MAP2: variants seen among roughly 807,000 people sequenced by gnomAD.
MAP2 encodes microtubule-associated protein 2.
In MAP2, 14 loss-of-function variants were observed where a neutral mutation model predicts 137.6. The observed-to-expected ratio is 0.10, with a 90% CI of 0.07 to 0.16. MAP2 has a LOEUF of 0.16. MAP2 is among the 10% of genes least tolerant of loss of function. The pLI is 1.00. For synonymous variants in MAP2, 786 were observed against 782.3 expected, an observed-to-expected ratio of 1.00 and a Z score of -0.08; for missense variants, 2,088 against 2,191.5, an observed-to-expected ratio of 0.95 and a Z score of 0.94.
chr2:209,660,701 A>AATT (rs562421271), intron 5 of MAP2, among the ~76,000 whole-genome samples: 20,340 of 104,266 alleles, frequency 0.2, 2,061 homozygotes, highest in East Asian at 0.28. Flanking sequence ...GGCCTGCTGC[A>AATT]ATTATTATTA....
intron 2 of MAP2, among the ~76,000 whole-genome samples, chr2:209,526,297 A>G (rs1217458683): frequency 6.6e-6 from 1 of 152,114 alleles, no homozygotes; most frequent in Non-Finnish European, 1.5e-5. Context: ...CAGAAAATTA[A>G]GAGTTTAAAT....
At chr2:209,605,476 A>G (rs998436379) in intron 3 of MAP2, among the ~76,000 whole-genome samples, 3 of 152,188 alleles carry the variant, frequency 2.0e-5, no homozygotes, top group Middle Eastern at 3.2e-3. Context: ...ATAACTATGA[A>G]TAGAAATGCT....
chr2:209,488,157 C>T (rs567194272), intron 1 of MAP2, among the ~76,000 whole-genome samples: 6 of 152,244 alleles, frequency 3.9e-5, no homozygotes, highest in East Asian at 1.9e-4. Context: ...GGTGGGGTGT[C>T]GCCTCACCCA....
At chr2:209,491,180 C>G (rs995466869) in intron 1 of MAP2, among the ~76,000 whole-genome samples, 32 of 152,280 alleles carry the variant, frequency 2.1e-4, no homozygotes, top group Admixed American at 1.3e-3. Context: ...ACCAAACAAC[C>G]TGCTCCTAAA....
Position 209,694,069 on chromosome 2 carries a change from A to G in MAP2, c.1899A>G (p.Gln633=). The G allele has an allele frequency of 1.9e-6, 3 of 1,613,350 alleles. No homozygotes were observed. Among genetic ancestry groups the G allele is most frequent in the Non-Finnish European group, 2.5e-6 (3 of 1,179,760 alleles). The change falls in exon 8 of 16, where the codon CAA becomes CAG. Residue 633 remains glutamine (Q), a synonymous_variant. Transcript: ENST00000682079. ...AATCCCAGCCCAGTCCTCCAGCACA[A>G]GAAGCAGGGTACAGCACTCTCGCAC... The part of the protein sequence containing the change: ...GKESQPSPPA[Q]EAGYSTLAQS...
intron 1 of MAP2, among the ~76,000 whole-genome samples, chr2:209,438,568 A>G (rs1696943984): frequency 6.6e-6 from 1 of 151,630 alleles, no homozygotes; most frequent in African/African-American, 2.4e-5. Flanking sequence ...TCAAAATATT[A>G]TGCACCTTCT....
At chr2:209,727,454 A>T (rs991042573) in intron 14 of MAP2, among the ~76,000 whole-genome samples, 1 of 152,226 alleles carries the variant, frequency 6.6e-6, no homozygotes, top group Non-Finnish European at 1.5e-5. Flanking sequence ...TTTTATATAG[A>T]TAAGGAACTA....
At chr2:209,631,669 C>T (rs758294814) in intron 4 of MAP2, among the ~76,000 whole-genome samples, 9 of 151,904 alleles carry the variant, frequency 5.9e-5, no homozygotes, top group Non-Finnish European at 1.2e-4. Context: ...AAATATGAAA[C>T]CAAATATATA....
chr2:209,655,918 T>C (rs1380393417), intron 5 of MAP2, among the ~76,000 whole-genome samples: 2 of 152,226 alleles, frequency 1.3e-5, no homozygotes, highest in African/African-American at 4.8e-5. Context: ...GTTTTTGCTA[T>C]AGTCCCCTCT....
chr2:209,654,024 A>ATCC (rs1331765769), intron 5 of MAP2, among the ~76,000 whole-genome samples: 1 of 152,216 alleles, frequency 6.6e-6, no homozygotes, highest in East Asian at 1.9e-4. Flanking sequence ...CATAACATGT[A>ATCC]AGTGCCACAT....
chr2:209,462,712 A>G (rs746822461), intron 1 of MAP2, among the ~76,000 whole-genome samples: 9 of 152,194 alleles, frequency 5.9e-5, no homozygotes, highest in Non-Finnish European at 1.0e-4. Flanking sequence ...ATTAGCTATT[A>G]AACTAGTCTA....
At chr2:209,729,732 GGGA>G in intron 14 of MAP2, 115 bp from the exon 15 acceptor site, 1 of 647,010 alleles carries the variant, frequency 1.5e-6, no homozygotes, top group Admixed American at 2.8e-5. Flanking sequence ...TATGGTTGGA[GGGA>G]TGGTAAAGTT....
chr2:209,611,602 T>TA (rs2086903624), intron 3 of MAP2, among the ~76,000 whole-genome samples: 1 of 152,126 alleles, frequency 6.6e-6, no homozygotes, highest in South Asian at 2.1e-4. Context: ...TGCTATAAGT[T>TA]ACCTACTGCT....
At chr2:209,643,081 GT>G (rs2094152744) in intron 4 of MAP2, among the ~76,000 whole-genome samples, 1 of 152,182 alleles carries the variant, frequency 6.6e-6, no homozygotes, top group Non-Finnish European at 1.5e-5. Flanking sequence ...TAAAACCAAT[GT>G]TTTTGATTGA....
chr2:209,564,402 T>A (rs1045889664), intron 2 of MAP2, among the ~76,000 whole-genome samples: 1 of 152,056 alleles, frequency 6.6e-6, no homozygotes, highest in Non-Finnish European at 1.5e-5. Flanking sequence ...TTTATGCTAG[T>A]GTTTTTTCAA....
Position 209,692,812 on chromosome 2 carries a change from A to T in MAP2, c.642A>T (p.Gln214His), listed in dbSNP as rs2059296611. The change falls in exon 8 of 16, where the codon CAA becomes CAT. Residue 214 changes from glutamine (Q) to histidine (H), a missense_variant. Gln to His is a conservative substitution (Grantham distance 24). Transcript: ENST00000682079. ...CTTACCCTGATAAAAAGGACATGCA[A>T]GGCACGGAAGAAGAAAAAGCACCCC... ...TKTYPDKKDM[Q>H]GTEEEKAPLA... 3 of 1,612,986 alleles carry T rather than the reference A, an allele frequency of 1.9e-6. No homozygotes were observed. Among genetic ancestry groups the T allele is most frequent in the Non-Finnish European group, 2.5e-6 (3 of 1,179,690 alleles).
At chr2:209,512,646 A>G (rs1035168816) in intron 2 of MAP2, among the ~76,000 whole-genome samples, 1 of 151,828 alleles carries the variant, frequency 6.6e-6, no homozygotes, top group Non-Finnish European at 1.5e-5. Flanking sequence ...AATTTAAAAA[A>G]TATTTCTTTT....
At chr2:209,687,713 T>G (rs2057488874) in intron 7 of MAP2, among the ~76,000 whole-genome samples, 1 of 152,244 alleles carries the variant, frequency 6.6e-6, no homozygotes. Context: ...GTGTGTCTGT[T>G]TGTAGATGAA....
intron 10 of MAP2, among the ~76,000 whole-genome samples, chr2:209,699,392 A>C (rs986631582): frequency 2.0e-5 from 3 of 152,208 alleles, no homozygotes; most frequent in African/African-American, 7.2e-5. Context: ...TTAAGGAGGA[A>C]TAAACACACA....
Sources: gnomAD v4.1 joint callset for allele counts (sites outside exome capture counted in the v4.1 genomes callset) on GRCh38, gnomAD v4.1.1 for gene constraint, MANE v1.5 for transcripts, NCBI Gene and HGNC (gene_info 2026-07-23, HGNC 2026-07-21) for gene names.